TCF12: variants seen among roughly 807,000 people sequenced by gnomAD.
The protein encoded by TCF12 is transcription factor 12.
Under a neutral mutation model 86.0 loss-of-function variants are expected in TCF12, and 45 were observed. The observed-to-expected ratio is 0.52, with a 90% CI of 0.41 to 0.67. TCF12 has a LOEUF of 0.67. TCF12 is among the 30% of genes least tolerant of loss of function. The pLI is 0.00. For missense variants in TCF12, 881 were observed against 859.9 expected (o/e 1.02, Z -0.31); for synonymous variants, 330 against 299.6 (o/e 1.10, Z -1.05).
chr15:57,100,197 G>A (rs572284328), intron 5 of TCF12, among the ~76,000 whole-genome samples: 1 of 152,276 alleles, frequency 6.6e-6, no homozygotes, highest in South Asian at 2.1e-4. Context: ...CTGCCTGTAG[G>A]GAGGTGGATG....
intron 3 of TCF12, among the ~76,000 whole-genome samples, chr15:56,958,676 A>T (rs866757180): frequency 0.023 from 2,151 of 92,478 alleles, 58 homozygotes; most frequent in African/African-American, 0.06. Flanking sequence ...AGAGAGAGAG[A>T]GAGTGTGTGT....
At chr15:57,026,183 A>G (rs1399701120) in intron 3 of TCF12, among the ~76,000 whole-genome samples, 2 of 152,216 alleles carry the variant, frequency 1.3e-5, no homozygotes, top group Non-Finnish European at 2.9e-5. Context: ...GCAGCCATAG[A>G]CAATATATGG....
intron 3 of TCF12, among the ~76,000 whole-genome samples, chr15:56,937,276 C>T (rs534750150): frequency 1.1e-4 from 16 of 151,684 alleles, no homozygotes; most frequent in East Asian, 1.9e-4. Flanking sequence ...TCAGTTTGGT[C>T]GCTGTTGGTG....
rs563049106 is a variant in TCF12 at position 57,167,561 on chromosome 15, A to C, written c.390+1095A>C. Among the ~76,000 whole-genome samples, 212 of 152,192 alleles carry C rather than the reference A, an allele frequency of 1.4e-3. 1 individual carries two copies. The highest frequency in any genetic ancestry group is 2.4e-3 in the Non-Finnish European group (162 of 68,010). On this transcript the variant is annotated intron_variant, in intron 6 of 20. Coordinates refer to ENST00000333725, the MANE Select transcript of TCF12 (RefSeq NM_207037.2). ...GGGTGACAGTAAGACTCTGTCTCAA[A>C]AAGAGAGAGAGAGAAAGGAGGGAAG...
chr15:57,166,342 G>A, intron 5 of TCF12, 60 bp from the exon 6 acceptor site: 1 of 1,415,988 alleles, frequency 7.1e-7, no homozygotes. Flanking sequence ...TAGTCTAGCA[G>A]TTTGATTGTC....
intron 5 of TCF12, among the ~76,000 whole-genome samples, chr15:57,141,872 A>C (rs1280705221): frequency 6.6e-6 from 1 of 152,188 alleles, no homozygotes; most frequent in African/African-American, 2.4e-5. Context: ...GATTAGCTAG[A>C]TTATGGAAAG....
At chr15:56,967,806 C>T (rs562955787) in intron 3 of TCF12, among the ~76,000 whole-genome samples, 1 of 152,140 alleles carries the variant, frequency 6.6e-6, no homozygotes, top group Non-Finnish European at 1.5e-5. Flanking sequence ...CCTTTCTTAT[C>T]TGGGAAGAAC....
In TCF12 at chr15:57,286,600, A is replaced by G. The variant is rs543954050; in HGVS notation, c.*455A>G. Reference sequence around the variant, plus strand: ...CTACACTCAGCTGATGCCAGCATACATTAAAGCGGTTCACGTGCAGAGAAC... The same window carrying G: ...CTACACTCAGCTGATGCCAGCATACGTTAAAGCGGTTCACGTGCAGAGAAC... On this transcript the variant is annotated 3_prime_UTR_variant, in exon 21 of 21. Coordinates refer to ENST00000333725, the MANE Select transcript of TCF12 (RefSeq NM_207037.2). The G allele has an allele frequency of 2.0e-5, 9 of 456,746 alleles. No individual in the cohort carries two copies. Among genetic ancestry groups the G allele is most frequent in the Middle Eastern group, 3.3e-4 (1 of 3,076 alleles). 28.3% of individuals were successfully genotyped at this position (456,746 alleles called of 1,614,324 possible). A position where few individuals can be genotyped will look rare whatever the true frequency, so the allele number is the denominator to read the frequency against.
chr15:57,037,573 G>A (rs142580999), intron 3 of TCF12, among the ~76,000 whole-genome samples: 38 of 152,304 alleles, frequency 2.5e-4, no homozygotes, highest in African/African-American at 9.1e-4. Flanking sequence ...TTGTCCTCTT[G>A]TATTGTCTTG....
intron 3 of TCF12, among the ~76,000 whole-genome samples, chr15:57,019,168 A>G (rs576751309): frequency 4.5e-4 from 68 of 152,364 alleles, no homozygotes; most frequent in Non-Finnish European, 7.8e-4. Context: ...CTAAAGTGCA[A>G]CTTGTTAGCA....
chr15:57,217,230 T>G (rs1269762676), intron 8 of TCF12, among the ~76,000 whole-genome samples: 1 of 152,154 alleles, frequency 6.6e-6, no homozygotes, highest in East Asian at 1.9e-4. Context: ...TAAATCTTAC[T>G]TAGGTGTTTA....
intron 3 of TCF12, among the ~76,000 whole-genome samples, chr15:57,006,397 T>C (rs1341454937): frequency 6.6e-6 from 1 of 152,002 alleles, no homozygotes; most frequent in Non-Finnish European, 1.5e-5. Context: ...CTCTGCCTCC[T>C]GGGTTCAATT....
At chr15:57,075,077 A>T (rs1237973526) in intron 4 of TCF12, among the ~76,000 whole-genome samples, 1 of 152,188 alleles carries the variant, frequency 6.6e-6, no homozygotes, top group African/African-American at 2.4e-5. Context: ...TTTACATCAT[A>T]ATCAGTTTGT....
At chr15:57,202,517 G>A (rs1232789364) in intron 8 of TCF12, among the ~76,000 whole-genome samples, 1 of 149,282 alleles carries the variant, frequency 6.7e-6, no homozygotes, top group Non-Finnish European at 1.5e-5. Context: ...CTCACTGCAA[G>A]CTCCGCCTCC....
intron 6 of TCF12, among the ~76,000 whole-genome samples, chr15:57,188,438 C>A: frequency 6.6e-6 from 1 of 152,140 alleles, no homozygotes; most frequent in East Asian, 1.9e-4. Flanking sequence ...CATCAAACTT[C>A]CAATGGCTTT....
intron 3 of TCF12, among the ~76,000 whole-genome samples, chr15:56,927,616 T>G (rs1229902273): frequency 2.0e-5 from 3 of 152,222 alleles, no homozygotes; most frequent in Non-Finnish European, 4.4e-5. Flanking sequence ...TTAATTTGCT[T>G]TTTGATATGA....
chr15:57,261,548 C>T (rs1043118486), intron 16 of TCF12, among the ~76,000 whole-genome samples: 19 of 152,162 alleles, frequency 1.2e-4, no homozygotes, highest in Admixed American at 1.1e-3. Flanking sequence ...GCCAATAAAC[C>T]TATTTAATTA....
At chr15:57,283,928 A>G (rs1160762053) in intron 20 of TCF12, among the ~76,000 whole-genome samples, 3 of 152,192 alleles carry the variant, frequency 2.0e-5, no homozygotes, top group African/African-American at 7.2e-5. Flanking sequence ...AGAAAAGAAG[A>G]GTTAAGGCAG....
At chr15:56,941,685 C>CTTTT (rs111353408) in intron 3 of TCF12, among the ~76,000 whole-genome samples, 1 of 143,358 alleles carries the variant, frequency 7.0e-6, no homozygotes. Context: ...TCTTCTTCTT[C>CTTTT]TTTTTTTTTT....
Sources: gnomAD v4.1 joint callset for allele counts (sites outside exome capture counted in the v4.1 genomes callset) on GRCh38, gnomAD v4.1.1 for gene constraint, MANE v1.5 for transcripts, NCBI Gene and HGNC (gene_info 2026-07-23, HGNC 2026-07-21) for gene names.